The following PNPLA8 variants were observed in gnomAD, a reference collection of about 807,000 sequenced individuals.
PNPLA8 encodes patatin like domain 8, phospholipase A2.
PNPLA8 carries 39 observed loss-of-function variants against 76.9 expected under a neutral mutation model. That is an observed-to-expected ratio of 0.51 (90% CI 0.39 to 0.66). PNPLA8 has a LOEUF of 0.66. PNPLA8 is among the 30% of genes least tolerant of loss of function. The pLI, the probability that PNPLA8 is intolerant of heterozygous loss-of-function variation, is 0.00. For synonymous variants in PNPLA8, 301 were observed against 307.9 expected (o/e 0.98, Z 0.24); for missense variants, 887 against 918.0 (o/e 0.97, Z 0.44).
intron 7 of PNPLA8, among the ~76,000 whole-genome samples, chr7:108,495,854 A>T (rs867978547): frequency 6.6e-6 from 1 of 152,196 alleles, no homozygotes; most frequent in South Asian, 2.1e-4. Flanking sequence ...GTTTGAAAAA[A>T]GGAGAAGGAT....
At chr7:108,506,173 T>C (rs1862405961) in intron 4 of PNPLA8, among the ~76,000 whole-genome samples, 1 of 151,542 alleles carries the variant, frequency 6.6e-6, no homozygotes. Context: ...AGGTCAGGAG[T>C]TGGAGACCAG....
chr7:108,513,191 T>C (rs1863061450), intron 4 of PNPLA8, among the ~76,000 whole-genome samples: 1 of 152,176 alleles, frequency 6.6e-6, no homozygotes, highest in Admixed American at 6.5e-5. Context: ...CTATTTAAGA[T>C]CTTTGCTTTC....
intron 7 of PNPLA8, among the ~76,000 whole-genome samples, chr7:108,496,139 G>A (rs753012354): frequency 2.6e-5 from 4 of 152,180 alleles, no homozygotes; most frequent in South Asian, 2.1e-4. Context: ...GGAGGCTGAC[G>A]TGGGAGGATC....
intron 7 of PNPLA8, among the ~76,000 whole-genome samples, chr7:108,495,070 A>C (rs1861457147): frequency 6.6e-6 from 1 of 152,188 alleles, no homozygotes; most frequent in African/African-American, 2.4e-5. Context: ...GGTGTTCACA[A>C]ATATTTCATG....
chr7:108,507,274 T>G (rs1598939359), intron 4 of PNPLA8, among the ~76,000 whole-genome samples: 1 of 120,892 alleles, frequency 8.3e-6, no homozygotes, highest in African/African-American at 3.3e-5. Flanking sequence ...ACCCCGGAGG[T>G]GGAGGTTGCA....
intron 5 of PNPLA8, among the ~76,000 whole-genome samples, chr7:108,501,844 T>C (rs1186463231): frequency 6.6e-6 from 1 of 151,868 alleles, no homozygotes; most frequent in Non-Finnish European, 1.5e-5. Context: ...AAATAATAAA[T>C]GAAAGCTAAA....
At chr7:108,475,480 A>G (rs1859922509) in intron 10 of PNPLA8, among the ~76,000 whole-genome samples, 1 of 152,142 alleles carries the variant, frequency 6.6e-6, no homozygotes, top group African/African-American at 2.4e-5. Context: ...GGATTTTGAC[A>G]GGAATTGTAT....
At chr7:108,479,534 C>A (rs1262077971) in intron 9 of PNPLA8, 155 bp from the exon 10 acceptor site, 2 of 624,670 alleles carry the variant, frequency 3.2e-6, no homozygotes, top group Admixed American at 2.8e-5. Flanking sequence ...CATGCGAAGA[C>A]TCATTGGTCT....
At chr7:108,480,269 G>A (rs1338365257) in intron 9 of PNPLA8, among the ~76,000 whole-genome samples, 2 of 152,162 alleles carry the variant, frequency 1.3e-5, no homozygotes, top group South Asian at 2.1e-4. Flanking sequence ...TCAGGAGGCT[G>A]AGGTGGGAGA....
chr7:108,515,708 G>A (rs889940738), intron 2 of PNPLA8, 134 bp from the exon 3 acceptor site: 27 of 360,470 alleles, frequency 7.5e-5, no homozygotes, highest in African/African-American at 5.5e-4. Flanking sequence ...TATTATAGCT[G>A]ATAGAAAATT....
At position 108,525,945 on chromosome 7, in the gene PNPLA8, G is replaced by A. The variant is rs187248653; in HGVS notation, c.-130+84C>T. On this transcript the variant is annotated intron_variant, in intron 1 of 10. Coordinates refer to ENST00000257694, the MANE Select transcript of PNPLA8 (RefSeq NM_001256007.3). ...GGGAAGTGCCCTCCAAAGAAAGAAA[G>A]GACGACCCGGAGCGCCGGACAAGGG... The A allele has an allele frequency of 2.0e-5, 12 of 589,180 alleles. No individual in the cohort carries two copies. The East Asian group carries it at 1.6e-3, about 77-fold the overall frequency. 36.5% of individuals were successfully genotyped at this position (589,180 alleles called of 1,614,324 possible).
chr7:108,494,811 A>G (rs1861441381), intron 7 of PNPLA8, among the ~76,000 whole-genome samples: 1 of 152,246 alleles, frequency 6.6e-6, no homozygotes, highest in Admixed American at 6.5e-5. Context: ...AAGATGTTTC[A>G]ATCCTCTACA....
chr7:108,503,881 G>C (rs1212133134), intron 4 of PNPLA8, among the ~76,000 whole-genome samples: 1 of 152,206 alleles, frequency 6.6e-6, no homozygotes, highest in East Asian at 1.9e-4. Flanking sequence ...TGGAAGACCT[G>C]AAGGGCTTCA....
At chr7:108,472,719 G>C in intron 10 of PNPLA8, 44 bp from the exon 11 acceptor site, 2 of 1,372,094 alleles carry the variant, frequency 1.5e-6, no homozygotes, top group Non-Finnish European at 2.0e-6. Context: ...AAGAAAAGAG[G>C]GGATAAAGTG....
intron 5 of PNPLA8, among the ~76,000 whole-genome samples, chr7:108,498,732 C>A (rs1038324055): frequency 6.6e-6 from 1 of 151,940 alleles, no homozygotes; most frequent in African/African-American, 2.4e-5. Flanking sequence ...TGAAGGAATG[C>A]GAAACGATGA....
In PNPLA8 at chr7:108,515,074, A is replaced by C; in HGVS notation, c.418T>G (p.Ser140Ala). 1 of 1,604,592 alleles carries C rather than the reference A, an allele frequency of 6.2e-7. No individual in the cohort carries two copies. The highest frequency in any genetic ancestry group is 1.3e-5 in the African/African-American group (1 of 74,454). ...TTCTGTTTTAACCAGCCACTATCCG[A>C]TACTTTTCTTAAAATTTGGGAACTT... is the stretch of plus-strand genomic sequence containing the variant. ...KPSSQILRKV[S>A]DSGWLKQKNI... The change falls in exon 3 of 11, where the codon TCG becomes GCG. Residue 140 changes from serine (S) to alanine (A), a missense_variant. Physicochemically the swap from Ser to Ala is moderately conservative, Grantham distance 99. Transcript: ENST00000257694.
Position 108,471,459 on chromosome 7 carries a change from C to T in PNPLA8, c.*942G>A. On this transcript the variant is annotated 3_prime_UTR_variant, in exon 11 of 11. Coordinates refer to ENST00000257694, the MANE Select transcript of PNPLA8 (RefSeq NM_001256007.3). ...TGGACTCCTGACGTCAGGTGATCTG[C>T]CTGCCTCGGCCTCCCAAAGTGCTGG... The T allele has an allele frequency of 6.6e-6, 1 of 152,238 alleles. No individual in the cohort carries two copies. The highest frequency in any genetic ancestry group is 1.5e-5 in the Non-Finnish European group (1 of 68,070). The allele number at this position is 152,238 out of a possible 1,614,324, so 9.4% of individuals were successfully genotyped here. A position where few individuals can be genotyped will look rare whatever the true frequency, so the allele number is the denominator to read the frequency against.
chr7:108,490,798 A>C (rs905826264), intron 8 of PNPLA8, among the ~76,000 whole-genome samples: 4 of 152,008 alleles, frequency 2.6e-5, no homozygotes, highest in Non-Finnish European at 4.4e-5. Context: ...AAAAAAAAAA[A>C]CTAGGGTAAA....
At chr7:108,509,291 AATATC>A (rs1313766984) in intron 4 of PNPLA8, among the ~76,000 whole-genome samples, 1 of 101,438 alleles carries the variant, frequency 9.9e-6, no homozygotes, top group African/African-American at 4.4e-5. Flanking sequence ...ACAAAGGGCT[AATATC>A]CAGAATCTAC....
Sources: gnomAD v4.1 joint callset for allele counts (sites outside exome capture counted in the v4.1 genomes callset) on GRCh38, gnomAD v4.1.1 for gene constraint, MANE v1.5 for transcripts, NCBI Gene and HGNC (gene_info 2026-07-23, HGNC 2026-07-21) for gene names.